PHF24: variants seen among roughly 807,000 people sequenced by gnomAD.
PHF24 encodes the protein Galpha inhibitory interacting protein.
A neutral mutation model predicts 42.6 loss-of-function variants in PHF24; 25 were observed. That is an observed-to-expected ratio of 0.59 (90% CI 0.43 to 0.82). The LOEUF is 0.82. Among genes scored for constraint, PHF24 ranks in the 40% least tolerant of loss-of-function variants. The pLI, the probability that PHF24 is intolerant of heterozygous loss-of-function variation, is 0.00. For missense variants in PHF24, 470 were observed against 538.1 expected, an observed-to-expected ratio of 0.87 and a Z score of 1.25; for synonymous variants, 185 against 204.8, an observed-to-expected ratio of 0.90 and a Z score of 0.83.
the PHF24 span, among the ~76,000 whole-genome samples, chr9:34,906,150 ACT>A: frequency 1.3e-5 from 2 of 152,060 alleles, no homozygotes; most frequent in South Asian, 4.2e-4. Context: ...AAAAAAATAG[ACT>A]CTGAAAATAT....
chr9:34,927,670 G>T, the PHF24 span, among the ~76,000 whole-genome samples: 15 of 152,224 alleles, frequency 9.9e-5, no homozygotes, highest in South Asian at 8.3e-4. Context: ...CAATCCAGGT[G>T]GGGGAGACAG....
At chr9:34,824,964 G>T in the PHF24 span, among the ~76,000 whole-genome samples, 2 of 152,180 alleles carry the variant, frequency 1.3e-5, no homozygotes, top group East Asian at 3.8e-4. Flanking sequence ...ATGGTTTAGA[G>T]GTTTCTTTGG....
the PHF24 span, among the ~76,000 whole-genome samples, chr9:34,816,070 T>C: frequency 2.6e-5 from 4 of 151,492 alleles, no homozygotes; most frequent in Non-Finnish European, 5.9e-5. Flanking sequence ...TGATAAGCTT[T>C]TTTATTTTTT....
At chr9:34,881,144 A>G in the PHF24 span, among the ~76,000 whole-genome samples, 1 of 152,214 alleles carries the variant, frequency 6.6e-6, no homozygotes, top group East Asian at 1.9e-4. Flanking sequence ...AGAAATAAAG[A>G]TGTTCTTTGA....
the PHF24 span, among the ~76,000 whole-genome samples, chr9:34,940,625 A>T: frequency 1.3e-5 from 2 of 151,922 alleles, no homozygotes; most frequent in African/African-American, 4.8e-5. Flanking sequence ...GTTATCTATA[A>T]CCTTGGCAGG....
At chr9:34,977,553 C>T in exon 7 of PHF24, 1 of 1,607,742 alleles carries the variant, frequency 6.2e-7, no homozygotes, top group Non-Finnish European at 8.5e-7. Flanking sequence ...CAGCATCAGC[C>T]ATGTGGGTCC....
chr9:34,787,338 A>G, the PHF24 span, among the ~76,000 whole-genome samples: 1 of 152,024 alleles, frequency 6.6e-6, no homozygotes, highest in African/African-American at 2.4e-5. Context: ...AAAAAAAAAA[A>G]GATTCATAAA....
chr9:34,787,957 A>G, the PHF24 span, among the ~76,000 whole-genome samples: 3 of 152,238 alleles, frequency 2.0e-5, no homozygotes, highest in African/African-American at 7.2e-5. Flanking sequence ...TACTTATTAC[A>G]AAAATTAATA....
At chr9:34,978,729 C>A (rs748722345) in exon 8 of PHF24, 2 of 152,224 alleles carry the variant, frequency 1.3e-5, no homozygotes, top group Non-Finnish European at 2.9e-5. Context: ...AGTTAAACAT[C>A]ACCACTGAAA....
chr9:34,726,905 A>T, the PHF24 span: 1 of 1,551,798 alleles, frequency 6.4e-7, no homozygotes, highest in Non-Finnish European at 8.7e-7. Context: ...CTGAATCTCC[A>T]GAGCCACAGA....
chr9:34,825,647 A>G, the PHF24 span, among the ~76,000 whole-genome samples: 2 of 152,026 alleles, frequency 1.3e-5, no homozygotes, highest in African/African-American at 2.4e-5. Context: ...ATGAACACCC[A>G]AATCCAAGTT....
chr9:34,881,059 T>C, the PHF24 span, among the ~76,000 whole-genome samples: 1 of 152,168 alleles, frequency 6.6e-6, no homozygotes, highest in African/African-American at 2.4e-5. Context: ...AGAAACTCGC[T>C]CAAAACCACT....
chr9:34,723,281 C>A, the PHF24 span: 1 of 1,551,706 alleles, frequency 6.4e-7, no homozygotes, highest in Non-Finnish European at 8.7e-7. Context: ...AGGACAGTGA[C>A]GAGGGCAGTG....
chr9:34,948,908 T>C, the PHF24 span, among the ~76,000 whole-genome samples: 1 of 152,136 alleles, frequency 6.6e-6, no homozygotes, highest in Admixed American at 6.6e-5. Context: ...TTAGACAAAG[T>C]AGACTTCAGA....
At chr9:34,678,842 C>G in the PHF24 span, among the ~76,000 whole-genome samples, 3 of 152,146 alleles carry the variant, frequency 2.0e-5, no homozygotes, top group African/African-American at 7.2e-5. Context: ...TGTTGGCCAG[C>G]TGGTCTGGAA....
At chr9:34,977,264 G>T in intron 6 of PHF24, 21 bp downstream of exon 6, 2 of 1,569,466 alleles carry the variant, frequency 1.3e-6, no homozygotes, top group Non-Finnish European at 1.7e-6. Context: ...TACCAGTCCT[G>T]GTCCCCACTC....
chr9:34,745,391 A>C, the PHF24 span, among the ~76,000 whole-genome samples: 2 of 152,304 alleles, frequency 1.3e-5, no homozygotes, highest in East Asian at 1.9e-4. Context: ...CTGGAGTGTG[A>C]GAAGTAGCTG....
the PHF24 span, among the ~76,000 whole-genome samples, chr9:34,799,749 A>G: frequency 3.0e-4 from 45 of 152,324 alleles, no homozygotes; most frequent in African/African-American, 9.1e-4. Context: ...TATAGGCACA[A>G]TCATATCCTG....
chr9:34,711,249 C>CT, the PHF24 span, among the ~76,000 whole-genome samples: 3,313 of 141,936 alleles, frequency 0.023, 53 homozygotes, highest in Middle Eastern at 0.052. Context: ...TAGCTTTTAT[C>CT]TTTTTTTTTT....
Sources: gnomAD v4.1 joint callset for allele counts (sites outside exome capture counted in the v4.1 genomes callset) on GRCh38, gnomAD v4.1.1 for gene constraint, MANE v1.5 for transcripts, NCBI Gene and HGNC (gene_info 2026-07-23, HGNC 2026-07-21) for gene names.